Variants in CNOT1 observed in about 807,000 individuals in gnomAD.
The protein encoded by CNOT1 is CCR4-associated factor 1.
A neutral mutation model predicts 273.8 loss-of-function variants in CNOT1; 15 were observed. The ratio of observed to expected loss-of-function variants is 0.05; its 90% CI spans 0.04 to 0.08. The LOEUF (loss-of-function observed/expected upper bound fraction) is 0.08, where lower values mean the gene tolerates loss of function less well. Among genes scored for constraint, CNOT1 ranks in the 10% least tolerant of loss-of-function variants. The pLI is 1.00. For synonymous variants in CNOT1, 1,022 were observed against 1,005.5 expected, an observed-to-expected ratio of 1.02 and a Z score of -0.31; for missense variants, 1,644 against 2,912.2, an observed-to-expected ratio of 0.56 and a Z score of 10.02.
intron 27 of CNOT1, 112 bp from the exon 28 acceptor site, chr16:58,546,861 A>G: frequency 7.5e-7 from 1 of 1,329,022 alleles, no homozygotes. Context: ...CAAATAAAAA[A>G]CAAAAAACAA....
chr16:58,623,338 G>A (rs1251343160), intron 1 of CNOT1: 2 of 152,176 alleles, frequency 1.3e-5, no homozygotes, highest in African/African-American at 4.8e-5. Flanking sequence ...AGAATGGTAA[G>A]TTTCTTTTTG....
chr16:58,626,621 G>A (rs2043596099), intron 1 of CNOT1, among the ~76,000 whole-genome samples: 2 of 151,488 alleles, frequency 1.3e-5, no homozygotes, highest in African/African-American at 4.9e-5. Context: ...TTAGCTGGGT[G>A]CAGTGGTGCG....
rs781024500 is a variant in CNOT1 at position 58,558,691 on chromosome 16, T to C, written c.2131-17A>G. 1 of 1,608,388 alleles carries C rather than the reference T, an allele frequency of 6.2e-7. No homozygotes were observed. Among genetic ancestry groups the C allele is most frequent in the Non-Finnish European group, 8.5e-7 (1 of 1,177,188 alleles). ...AGGGTCAATCTAAAGAAAAACATTA[T>C]AAAAATGTATTAAACATACTTCGAG... On this transcript the variant is annotated splice_polypyrimidine_tract_variant and intron_variant, in intron 17 of 48. Transcript: ENST00000317147.
chr16:58,556,394 T>C (rs1377245205), intron 19 of CNOT1, among the ~76,000 whole-genome samples: 1 of 152,206 alleles, frequency 6.6e-6, no homozygotes, highest in Non-Finnish European at 1.5e-5. Context: ...GCAGTCCCAA[T>C]GACAAGGACT....
chr16:58,621,298 A>G (rs909971138), intron 1 of CNOT1, among the ~76,000 whole-genome samples: 2 of 151,598 alleles, frequency 1.3e-5, no homozygotes, highest in African/African-American at 4.8e-5. Flanking sequence ...TTTGAGACAG[A>G]GTTTTGCTCT....
chr16:58,557,673 A>G (rs2040678650), intron 18 of CNOT1, among the ~76,000 whole-genome samples: 1 of 152,156 alleles, frequency 6.6e-6, no homozygotes. Context: ...GTAAAGTTAC[A>G]TGGAACAATA....
intron 6 of CNOT1, 87 bp from the exon 7 acceptor site, chr16:58,586,835 A>C: frequency 7.1e-7 from 1 of 1,402,282 alleles, no homozygotes. Flanking sequence ...GCAGATAATC[A>C]CCCTTCTCAT....
At chr16:58,626,982 T>C (rs892930304) in intron 1 of CNOT1, among the ~76,000 whole-genome samples, 2 of 152,058 alleles carry the variant, frequency 1.3e-5, no homozygotes, top group Non-Finnish European at 2.9e-5. Flanking sequence ...CCAAAAAAAT[T>C]AGTCCCAAAA....
At chr16:58,566,807 T>A (rs1172144648) in intron 16 of CNOT1, among the ~76,000 whole-genome samples, 1 of 152,190 alleles carries the variant, frequency 6.6e-6, no homozygotes, top group African/African-American at 2.4e-5. Context: ...CTAATTTTTC[T>A]ATTTTTAGTA....
Position 58,537,875 on chromosome 16 carries a change from A to G in CNOT1, c.5414+16T>C. 6.2e-7 allele frequency: 1 copy of G among 1,612,908 alleles called. No homozygotes were observed. The highest frequency in any genetic ancestry group is 8.5e-7 in the Non-Finnish European group (1 of 1,178,876). On this transcript the variant is annotated intron_variant, in intron 38 of 48. Coordinates refer to ENST00000317147, the MANE Select transcript of CNOT1 (RefSeq NM_016284.5). ...ACTACTAAATGCACAGGGATCTCAA[A>G]GCATTTCATCCTCACCCTTCTGGAG...
chr16:58,613,237 T>C (rs1246898176), intron 1 of CNOT1, among the ~76,000 whole-genome samples: 1 of 152,028 alleles, frequency 6.6e-6, no homozygotes, highest in Non-Finnish European at 1.5e-5. Flanking sequence ...TTTCATCATG[T>C]TGGCCAGGCT....
At chr16:58,561,046 G>A (rs1229662353) in intron 16 of CNOT1, among the ~76,000 whole-genome samples, 1 of 152,152 alleles carries the variant, frequency 6.6e-6, no homozygotes, top group East Asian at 1.9e-4. Context: ...TTAGCTGGAT[G>A]TCATGGCATG....
At chr16:58,553,371 T>C (rs1457288728) in intron 22 of CNOT1, among the ~76,000 whole-genome samples, 3 of 152,224 alleles carry the variant, frequency 2.0e-5, no homozygotes, top group Non-Finnish European at 2.9e-5. Flanking sequence ...CTAAGTCTTA[T>C]GTGTAACAGT....
At chr16:58,525,471 G>A in intron 45 of CNOT1, 112 bp from the exon 46 acceptor site, 1 of 843,788 alleles carries the variant, frequency 1.2e-6, no homozygotes, top group Non-Finnish European at 1.8e-6. Context: ...AACATTTATT[G>A]TGATTCACTT....
At chr16:58,576,734 T>A in intron 13 of CNOT1, 152 bp from the exon 14 acceptor site, 1 of 1,266,210 alleles carries the variant, frequency 7.9e-7, no homozygotes, top group Non-Finnish European at 1.1e-6. Flanking sequence ...GCAATTACCG[T>A]GACGTTCTTT....
chr16:58,587,315 T>G (rs565926079), intron 5 of CNOT1, 30 bp downstream of exon 5: 7 of 1,613,624 alleles, frequency 4.3e-6, no homozygotes, highest in Non-Finnish European at 4.2e-6. Context: ...ATTCTAGTTT[T>G]GTCTACATCT....
chr16:58,564,140 C>T (rs62067281), intron 16 of CNOT1, among the ~76,000 whole-genome samples: 6,309 of 151,902 alleles, frequency 0.042, 419 homozygotes, highest in East Asian at 0.26. Flanking sequence ...GATAAATATA[C>T]GAATAAGTAT....
In CNOT1 at chr16:58,585,325, T is replaced by G. The variant is rs1166628203; in HGVS notation, c.806+13A>C. 2.5e-6 allele frequency: 4 copies of G among 1,613,446 alleles called. No homozygotes were observed. Among genetic ancestry groups the G allele is most frequent in the Non-Finnish European group, 3.4e-6 (4 of 1,179,906 alleles). ...CAAGAATAATCAGAAGCTTAACACATTTTACTACCAACCTTGCACAAAAGC... is the reference window on the plus strand; with the variant it reads ...CAAGAATAATCAGAAGCTTAACACAGTTTACTACCAACCTTGCACAAAAGC... On this transcript the variant is annotated intron_variant, in intron 8 of 48. Transcript: ENST00000317147.
Position 58,574,762 on chromosome 16 carries a change from TGAA to T in CNOT1, c.1828-5_1828-3del, listed in dbSNP as rs1158064325. On this transcript the variant is annotated splice_polypyrimidine_tract_variant and splice_region_variant and intron_variant, in intron 15 of 48. Transcript: ENST00000317147. ...CATACACGCCTGGATAAAAGGCTCC[TGAA>T]GAATAGAAAAGTCTCTCAGTGTATT... 6.3e-7 allele frequency: 1 copy of T among 1,590,058 alleles called. No homozygotes were observed. The highest frequency in any genetic ancestry group is 8.5e-7 in the Non-Finnish European group (1 of 1,174,908).
Sources: gnomAD v4.1 joint callset for allele counts (sites outside exome capture counted in the v4.1 genomes callset) on GRCh38, gnomAD v4.1.1 for gene constraint, MANE v1.5 for transcripts, NCBI Gene and HGNC (gene_info 2026-07-23, HGNC 2026-07-21) for gene names.